The following USP34 variants were observed in gnomAD, a reference collection of about 807,000 sequenced individuals.
The protein encoded by USP34 is ubiquitin carboxyl-terminal hydrolase 34.
Under a neutral mutation model 460.3 loss-of-function variants are expected in USP34, and 70 were observed. The observed-to-expected ratio is 0.15, with a 90% confidence interval of 0.13 to 0.19. The LOEUF (loss-of-function observed/expected upper bound fraction) is 0.19, where lower values mean the gene tolerates loss of function less well. Ranked by LOEUF, USP34 falls within the 10% of genes least tolerant of loss-of-function variation. USP34 has a pLI of 1.00. For synonymous variants in USP34, 1,647 were observed against 1,405.3 expected, an observed-to-expected ratio of 1.17 and a Z score of -3.85; for missense variants, 3,985 against 4,236.2, an observed-to-expected ratio of 0.94 and a Z score of 1.65.
At chr2:61,286,794 G>T (rs1224006415) in intron 34 of USP34, among the ~76,000 whole-genome samples, 1 of 152,112 alleles carries the variant, frequency 6.6e-6, no homozygotes, top group Non-Finnish European at 1.5e-5. Context: ...GCTTGTAGTT[G>T]CATATTATTT....
In USP34 at chr2:61,216,040, A is replaced by AT. The variant is rs1340925202; in HGVS notation, c.8048-1347dup. Among the ~76,000 whole-genome samples the AT allele has an allele frequency of 4.6e-5, 7 of 152,300 alleles. No individual in the cohort carries two copies. The East Asian group carries it at 1.4e-3, about 29-fold the overall frequency. ...CTCCCCCTATTCTAACTATAACTTG[A>AT]TAATTTCCATTGTATTGTCAAAGCA... On this transcript the variant is annotated intron_variant, in intron 67 of 79. Transcript: ENST00000398571.
intron 27 of USP34, among the ~76,000 whole-genome samples, chr2:61,303,983 C>T (rs1389743794): frequency 6.6e-6 from 1 of 152,148 alleles, no homozygotes; most frequent in East Asian, 1.9e-4. Context: ...CTAACACCTC[C>T]ACCTCCTGGG....
intron 3 of USP34, among the ~76,000 whole-genome samples, chr2:61,399,202 C>T (rs1158744358): frequency 1.3e-5 from 2 of 151,870 alleles, no homozygotes; most frequent in Admixed American, 1.3e-4. Flanking sequence ...AGCTGGGTGT[C>T]GTGACGCATG....
At chr2:61,254,112 T>A (rs530874452) in intron 48 of USP34, among the ~76,000 whole-genome samples, 10 of 152,234 alleles carry the variant, frequency 6.6e-5, no homozygotes, top group Non-Finnish European at 1.3e-4. Context: ...TCCTATAACC[T>A]GACAAAACAC....
intron 1 of USP34, among the ~76,000 whole-genome samples, chr2:61,446,246 T>C (rs1414900099): frequency 6.6e-6 from 1 of 152,144 alleles, no homozygotes; most frequent in African/African-American, 2.4e-5. Flanking sequence ...TTATATATTT[T>C]TGAAAATCTA....
At chr2:61,232,250 T>C (rs1161299133) in intron 58 of USP34, among the ~76,000 whole-genome samples, 1 of 152,192 alleles carries the variant, frequency 6.6e-6, no homozygotes, top group African/African-American at 2.4e-5. Context: ...ATGTGCATAA[T>C]TTTAATCACC....
intron 49 of USP34, 104 bp downstream of exon 49, chr2:61,248,407 C>G: frequency 8.5e-7 from 1 of 1,180,874 alleles, no homozygotes; most frequent in East Asian, 2.4e-5. Flanking sequence ...TTCTAAGATT[C>G]AATTTTTGTT....
chr2:61,381,700 C>G (rs1692980220), intron 6 of USP34, among the ~76,000 whole-genome samples: 1 of 152,192 alleles, frequency 6.6e-6, no homozygotes, highest in Non-Finnish European at 1.5e-5. Context: ...CCAACCCATA[C>G]AGAGCTCTAT....
intron 39 of USP34, 145 bp from the exon 40 acceptor site, chr2:61,278,588 T>C (rs540550305): frequency 4.3e-5 from 26 of 602,784 alleles, no homozygotes; most frequent in Non-Finnish European, 5.4e-5. Context: ...ACCTACTCTT[T>C]ACTTATACAT....
At chr2:61,265,660 A>AAT (rs1251463936) in intron 42 of USP34, 103 bp from the exon 43 acceptor site, 17 of 1,044,526 alleles carry the variant, frequency 1.6e-5, no homozygotes, top group Non-Finnish European at 2.1e-5. Context: ...TTACCTCATT[A>AAT]ATATATATAG....
At chr2:61,434,347 A>C (rs1694756194) in intron 1 of USP34, among the ~76,000 whole-genome samples, 1 of 151,972 alleles carries the variant, frequency 6.6e-6, no homozygotes, top group East Asian at 2.0e-4. Context: ...CCTGACAGAC[A>C]CATCTAGGCT....
At position 61,396,179 on chromosome 2, in the gene USP34, G is replaced by T. The variant is rs185482285; in HGVS notation, c.553-946C>A. The stretch of plus-strand genomic sequence containing the variant: ...TTTTCATGATTTTTGAAACTGCTTT[G>T]GAATTCCCTAGAGGTATACTGAAGA... On this transcript the variant is annotated intron_variant, in intron 3 of 79. Transcript: ENST00000398571. Among the ~76,000 whole-genome samples, 126 of 152,062 alleles carry T rather than the reference G, an allele frequency of 8.3e-4. No homozygotes were observed. The Middle Eastern group carries it at 0.017, about 21-fold the overall frequency.
intron 41 of USP34, among the ~76,000 whole-genome samples, chr2:61,268,046 A>T (rs1477778037): frequency 6.6e-6 from 1 of 152,060 alleles, no homozygotes; most frequent in Non-Finnish European, 1.5e-5. Context: ...GAGCCACTGC[A>T]CCTGGCAAAG....
chr2:61,356,179 TAA>T (rs79679650), intron 10 of USP34, among the ~76,000 whole-genome samples: 10 of 138,782 alleles, frequency 7.2e-5, no homozygotes, highest in Non-Finnish European at 7.9e-5. Flanking sequence ...TGAATGAATT[TAA>T]AAAAAAAAAA....
chr2:61,335,904 G>T (rs1212425215), intron 18 of USP34, among the ~76,000 whole-genome samples: 1 of 152,166 alleles, frequency 6.6e-6, no homozygotes, highest in African/African-American at 2.4e-5. Context: ...TGGTAGTCCT[G>T]TAAGAATTAC....
At chr2:61,385,671 CAAAA>C (rs61200102) in intron 5 of USP34, among the ~76,000 whole-genome samples, 13 of 46,000 alleles carry the variant, frequency 2.8e-4, no homozygotes, top group Admixed American at 7.4e-4. Context: ...GACTCTGTCT[CAAAA>C]AAAAAAAAAA....
intron 8 of USP34, among the ~76,000 whole-genome samples, chr2:61,372,420 C>A (rs1284146096): frequency 6.6e-6 from 1 of 152,168 alleles, no homozygotes; most frequent in Non-Finnish European, 1.5e-5. Context: ...TTATTTAAGT[C>A]TATTAAAGGA....
intron 75 of USP34, among the ~76,000 whole-genome samples, chr2:61,201,148 T>G (rs576483025): frequency 6.6e-6 from 1 of 151,798 alleles, no homozygotes; most frequent in Non-Finnish European, 1.5e-5. Context: ...CACTCACAAA[T>G]GATGGGCTAC....
intron 75 of USP34, among the ~76,000 whole-genome samples, chr2:61,197,785 A>G (rs1331775314): frequency 6.6e-6 from 1 of 151,946 alleles, no homozygotes; most frequent in African/African-American, 2.4e-5. Context: ...GGGGGAACAG[A>G]GTCTCACTCT....
Sources: gnomAD v4.1 joint callset for allele counts (sites outside exome capture counted in the v4.1 genomes callset) on GRCh38, gnomAD v4.1.1 for gene constraint, MANE v1.5 for transcripts, NCBI Gene and HGNC (gene_info 2026-07-23, HGNC 2026-07-21) for gene names.